Variants in IL1RAPL2 observed in about 807,000 individuals in gnomAD.
IL1RAPL2 encodes X-linked interleukin-1 receptor accessory protein-like 2.
In IL1RAPL2, 3 loss-of-function variants were observed where a neutral mutation model predicts 44.1. The ratio of observed to expected loss-of-function variants is 0.07; its 90% confidence interval spans 0.03 to 0.18. IL1RAPL2 has a LOEUF of 0.18. IL1RAPL2 is among the 10% of genes least tolerant of loss of function. IL1RAPL2 has a pLI of 1.00. For missense variants in IL1RAPL2, 391 were observed against 496.4 expected (o/e 0.79, Z 2.02); for synonymous variants, 181 against 178.8 (o/e 1.01, Z -0.10).
chrX:104,646,383 G>A (rs902996838), intron 1 of IL1RAPL2, among the ~76,000 whole-genome samples: 2 of 108,534 alleles, frequency 1.8e-5, no homozygotes, highest in African/African-American at 6.7e-5. Flanking sequence ...AAATTTTGAC[G>A]ATGATATTGA....
chrX:104,742,789 T>C (rs1021560347), intron 2 of IL1RAPL2, among the ~76,000 whole-genome samples: 8 of 111,499 alleles, frequency 7.2e-5, no homozygotes, highest in Admixed American at 1.9e-4. Context: ...CTTTGACCCA[T>C]GGTGATAGAG....
intron 2 of IL1RAPL2, among the ~76,000 whole-genome samples, chrX:104,672,628 G>T (rs897378818): frequency 2.9e-5 from 3 of 102,721 alleles, no homozygotes; most frequent in East Asian, 3.0e-4. Flanking sequence ...GGGATGGCTG[G>T]GTCAAATGGT....
intron 5 of IL1RAPL2, among the ~76,000 whole-genome samples, chrX:105,376,082 C>T (rs776342402): frequency 9.0e-6 from 1 of 111,609 alleles, no homozygotes; most frequent in Admixed American, 9.5e-5. Flanking sequence ...GCCTGGGCAA[C>T]GAAGATTAGA....
chrX:104,909,212 T>C (rs973558387), intron 2 of IL1RAPL2, among the ~76,000 whole-genome samples: 19 of 111,903 alleles, frequency 1.7e-4, no homozygotes, highest in African/African-American at 5.9e-4. Context: ...TTTAAGCACT[T>C]CTCTGTATTG....
chrX:104,871,369 A>G, intron 2 of IL1RAPL2, among the ~76,000 whole-genome samples: 1 of 111,692 alleles, frequency 9.0e-6, no homozygotes, highest in Non-Finnish European at 1.9e-5. Context: ...TTGTCACATG[A>G]TAATACAAAT....
rs189717949 is a variant in IL1RAPL2, at chrX:104,820,069, A to G, written c.82+161074A>G. ...TCCACCCTGTGTTCTCTAGATAAAG[A>G]AAAGTTTGACTGGTATTAGATATGA... On this transcript the variant is annotated intron_variant, in intron 2 of 10. Coordinates refer to ENST00000372582, the MANE Select transcript of IL1RAPL2 (RefSeq NM_017416.2). Among the ~76,000 whole-genome samples, 12 of 111,908 alleles carry G rather than the reference A, an allele frequency of 1.1e-4. No individual in the cohort carries two copies. The South Asian group carries it at 3.8e-3, about 35-fold the overall frequency.
rs745309448 is a variant in IL1RAPL2 at position 104,849,536 on chromosome X, G to A, written c.82+190541G>A. Reference sequence around the variant, plus strand: ...AAGTAATAGCCTTAAATATATGAGCGTTTTGTCAATAACACAGAAAAGATA... The same window carrying A: ...AAGTAATAGCCTTAAATATATGAGCATTTTGTCAATAACACAGAAAAGATA... On this transcript the variant is annotated intron_variant, in intron 2 of 10. Coordinates refer to ENST00000372582, the MANE Select transcript of IL1RAPL2 (RefSeq NM_017416.2). Among the ~76,000 whole-genome samples the A allele has an allele frequency of 7.4e-5, 8 of 107,688 alleles. No homozygotes were observed. The East Asian group carries it at 2.3e-3, about 32-fold the overall frequency. 93.5% of individuals were successfully genotyped at this position (107,688 alleles called of 115,157 possible).
At chrX:104,917,437 A>AC (rs1327506399) in intron 2 of IL1RAPL2, among the ~76,000 whole-genome samples, 3 of 112,115 alleles carry the variant, frequency 2.7e-5, no homozygotes. Context: ...CTGGGTACAA[A>AC]TGAAACTAGG....
intron 2 of IL1RAPL2, among the ~76,000 whole-genome samples, chrX:104,756,010 A>G (rs1423088575): frequency 9.0e-6 from 1 of 111,556 alleles, no homozygotes; most frequent in Admixed American, 9.6e-5. Flanking sequence ...GAATTAACCT[A>G]TACTATGCAA....
chrX:104,677,100 C>G lies in IL1RAPL2; in HGVS notation c.82+18105C>G, dbSNP rs183888633. 3.6e-5 allele frequency among the ~76,000 whole-genome samples: 4 copies of G among 112,258 alleles called. No individual in the cohort carries two copies. The Admixed American group carries it at 3.8e-4, about 11-fold the overall frequency. ...CTGAAGCCTTCTTCTCTCAGCTCGT[C>G]AAAGTCATTCTCTGTCCAGCTTTGT... On this transcript the variant is annotated intron_variant, in intron 2 of 10. Coordinates refer to ENST00000372582, the MANE Select transcript of IL1RAPL2 (RefSeq NM_017416.2).
At chrX:105,361,156 A>G (rs745337374) in intron 5 of IL1RAPL2, among the ~76,000 whole-genome samples, 1 of 111,254 alleles carries the variant, frequency 9.0e-6, no homozygotes, top group South Asian at 3.8e-4. Context: ...TAGTTGAGCA[A>G]TTTACAAAAA....
chrX:104,977,513 C>T (rs1362042415), intron 2 of IL1RAPL2, among the ~76,000 whole-genome samples: 2 of 111,934 alleles, frequency 1.8e-5, no homozygotes, highest in East Asian at 2.8e-4. Context: ...TTGCCGTCAT[C>T]GCCACTGTCT....
At chrX:105,513,806 G>A (rs1459699912) in intron 6 of IL1RAPL2, among the ~76,000 whole-genome samples, 1 of 108,316 alleles carries the variant, frequency 9.2e-6, no homozygotes, top group Non-Finnish European at 1.9e-5. Context: ...GGCTTTTGTT[G>A]TCATTGCTTT....
In IL1RAPL2 at chrX:104,671,282, C is replaced by A. The variant is rs982123573; in HGVS notation, c.82+12287C>A. On this transcript the variant is annotated intron_variant, in intron 2 of 10. Transcript: ENST00000372582. Reference sequence around the variant, plus strand: ...CTCAGTCCTATTTTTGTACCCCTTGCCACACACCTCTTCACACAAGAGCCA... The same window carrying A: ...CTCAGTCCTATTTTTGTACCCCTTGACACACACCTCTTCACACAAGAGCCA... 1.8e-4 allele frequency among the ~76,000 whole-genome samples: 20 copies of A among 110,746 alleles called. No homozygotes were observed. The Admixed American group carries it at 1.8e-3, about 10-fold the overall frequency.
At chrX:104,782,120 T>C (rs1450476352) in intron 2 of IL1RAPL2, among the ~76,000 whole-genome samples, 1 of 111,655 alleles carries the variant, frequency 9.0e-6, no homozygotes, top group Non-Finnish European at 1.9e-5. Context: ...AAATTTCGAC[T>C]GTGTATACAT....
chrX:105,375,460 G>A (rs749503818), intron 5 of IL1RAPL2, among the ~76,000 whole-genome samples: 2 of 111,331 alleles, frequency 1.8e-5, no homozygotes, highest in African/African-American at 6.5e-5. Context: ...GCAGTGAGCC[G>A]AGATTGCGCC....
chrX:105,456,379 G>A (rs1357939344), intron 5 of IL1RAPL2, among the ~76,000 whole-genome samples: 1 of 111,298 alleles, frequency 9.0e-6, no homozygotes, highest in Non-Finnish European at 1.9e-5. Flanking sequence ...GGTGACAGAG[G>A]GCATCCTTGT....
At chrX:105,015,647 G>A (rs1317673881) in intron 2 of IL1RAPL2, among the ~76,000 whole-genome samples, 1 of 110,958 alleles carries the variant, frequency 9.0e-6, no homozygotes, top group East Asian at 2.8e-4. Context: ...TATTTCTGAG[G>A]GCTCTGTTCT....
At chrX:104,970,785 A>G (rs2030217622) in intron 2 of IL1RAPL2, among the ~76,000 whole-genome samples, 1 of 111,681 alleles carries the variant, frequency 9.0e-6, no homozygotes, top group African/African-American at 3.3e-5. Flanking sequence ...GGGGGATGCA[A>G]AAGTGCAGAG....
Sources: allele counts gnomAD v4.1 joint callset (sites outside exome capture counted in the v4.1 genomes callset), GRCh38; gene constraint gnomAD v4.1.1; transcripts MANE v1.5; gene names NCBI Gene and HGNC (gene_info 2026-07-23, HGNC 2026-07-21).